The following ADAMTS13 variants were observed in gnomAD, a reference collection of about 807,000 sequenced individuals.
The protein encoded by ADAMTS13 is A disintegrin and metalloproteinase with thrombospondin motifs 13.
ADAMTS13 carries 110 observed loss-of-function variants against 155.1 expected under a neutral mutation model. The observed-to-expected ratio is 0.71, with a 90% CI of 0.61 to 0.83. ADAMTS13 has a LOEUF of 0.83. Among genes scored for constraint, ADAMTS13 ranks in the 40% least tolerant of loss-of-function variants. ADAMTS13 has a pLI of 0.00. For synonymous variants in ADAMTS13, 758 were observed against 756.4 expected (o/e 1.00, Z -0.03); for missense variants, 1,707 against 1,891.7 (o/e 0.90, Z 1.81).
chr9:133,458,089 A>G lies in ADAMTS13; in HGVS notation c.3904A>G (p.Ile1302Val), dbSNP rs1192048049. The change falls in exon 28 of 29, where the codon ATC becomes GTC. Residue 1302 changes from isoleucine (I) to valine (V), a missense_variant. Physicochemically the swap from Ile to Val is conservative, Grantham distance 29. This residue lies in a region of ADAMTS13 where 961 missense variants were observed against 1,107.9 expected (regional missense o/e 0.87). Coordinates refer to ENST00000355699, the MANE Select transcript of ADAMTS13 (RefSeq NM_139027.6). The part of the protein sequence containing the change: ...AGTEGANASY[I>V]LIRDTHSLRT... Reference sequence around the variant, plus strand: ...GACCGAGGGAGCCAATGCCAGCTACATCTTGGTGAGGCCCAGCATGGGGAC... The same window carrying G: ...GACCGAGGGAGCCAATGCCAGCTACGTCTTGGTGAGGCCCAGCATGGGGAC... 1.1e-5 allele frequency: 17 copies of G among 1,613,302 alleles called. No individual in the cohort carries two copies. The East Asian group carries it at 1.8e-4, about 17-fold the overall frequency.
Position 133,459,327 on chromosome 9 carries a change from G to A in ADAMTS13, c.*147G>A. 2.3e-6 allele frequency: 2 copies of A among 859,450 alleles called. No individual in the cohort carries two copies. The highest frequency in any genetic ancestry group is 3.8e-6 in the Non-Finnish European group (2 of 529,652). 53.2% of individuals were successfully genotyped at this position (859,450 alleles called of 1,614,324 possible). A position where few individuals can be genotyped will look rare whatever the true frequency, so the allele number is the denominator to read the frequency against. ...CAAAAGGCTAGGGGGTTGGAGGTGG[G>A]GACTCTGGAAAAGCAGCCCCCATTT... is the stretch of plus-strand genomic sequence containing the variant. On this transcript the variant is annotated 3_prime_UTR_variant, in exon 29 of 29. Coordinates refer to ENST00000355699, the MANE Select transcript of ADAMTS13 (RefSeq NM_139027.6).
intron 9 of ADAMTS13, among the ~76,000 whole-genome samples, chr9:133,432,906 T>C (rs587756004): frequency 6.6e-6 from 1 of 151,826 alleles, no homozygotes; most frequent in South Asian, 2.1e-4. Flanking sequence ...GCCTGTTGTA[T>C]GGGGGGTGCC....
chr9:133,414,633 C>T (rs376023502), exon 1 of ADAMTS13: 56 of 1,601,770 alleles, frequency 3.5e-5, no homozygotes, highest in South Asian at 1.2e-4. Flanking sequence ...CGCTGTGCCT[C>T]GGTTCTCAGT....
Position 133,425,939 on chromosome 9 carries a change from G to A in ADAMTS13, c.416G>A (p.Gly139Asp), listed in dbSNP as rs1375463568. 6.2e-7 allele frequency: 1 copy of A among 1,613,516 alleles called. No individual in the cohort carries two copies. The highest frequency in any genetic ancestry group is 8.5e-7 in the Non-Finnish European group (1 of 1,180,020). ...GCAGGCTTTGCTGTGGGTCCGCAGGGTGCTCCAAATATCACAGCCAACCTC... is the reference window on the plus strand; with the variant it reads ...GCAGGCTTTGCTGTGGGTCCGCAGGATGCTCCAAATATCACAGCCAACCTC... ...VKMVILTEPE[G>D]APNITANLTS... Residue 139 changes from glycine to aspartate, a missense_variant and splice_region_variant, in exon 5 of 29, where the codon GGT becomes GAT. By Grantham distance (94) the Gly-to-Asp change is moderately conservative. Coordinates refer to ENST00000355699, the MANE Select transcript of ADAMTS13 (RefSeq NM_139027.6). This position sits in a 1 kb window ranked among gnomAD's most constrained non-coding sequence, Gnocchi z 4.6.
At chr9:133,458,161 G>A in intron 28 of ADAMTS13, 67 bp downstream of exon 28, 1 of 1,573,724 alleles carries the variant, frequency 6.4e-7, no homozygotes, top group Non-Finnish European at 8.6e-7. Context: ...GCAGGGCTAG[G>A]GGACCCCCTT....
intron 28 of ADAMTS13, 21 bp from the exon 29 acceptor site, chr9:133,458,953 G>GGGCT: frequency 6.2e-7 from 1 of 1,607,738 alleles, no homozygotes; most frequent in Non-Finnish European, 8.5e-7. Flanking sequence ...CGGTCCTTCT[G>GGGCT]GGCTGCCCCT....
At chr9:133,423,036 CAA>C in intron 1 of ADAMTS13, 63 bp from the exon 2 acceptor site, 1 of 1,466,068 alleles carries the variant, frequency 6.8e-7, no homozygotes, top group East Asian at 2.3e-5. Flanking sequence ...TCGGTCTCCC[CAA>C]GTGTTAGGAT....
chr9:133,429,129 GC>G (rs1840515664), intron 7 of ADAMTS13, among the ~76,000 whole-genome samples: 1 of 98,292 alleles, frequency 1.0e-5, no homozygotes, highest in African/African-American at 4.1e-5. Flanking sequence ...ATCCCGCTGC[GC>G]CCACTCCTGC....
intron 18 of ADAMTS13, 55 bp from the exon 19 acceptor site, chr9:133,443,321 C>T (rs1841819438): frequency 1.0e-5 from 16 of 1,550,252 alleles, no homozygotes; most frequent in East Asian, 2.4e-5. Flanking sequence ...CACCCCATCA[C>T]CCCAGGCCAG....
At position 133,428,727 on chromosome 9, in the gene ADAMTS13, C is replaced by T. The variant is rs782774484; in HGVS notation, c.780C>T (p.Leu260=). 57 of 1,360,072 alleles carry T rather than the reference C, an allele frequency of 4.2e-5. No individual in the cohort carries two copies. The highest frequency in any genetic ancestry group is 5.3e-5 in the Non-Finnish European group (56 of 1,053,910). The allele number at this position is 1,360,072 out of a possible 1,614,324, so 84.3% of individuals were successfully genotyped here. A position where few individuals can be genotyped will look rare whatever the true frequency, so the allele number is the denominator to read the frequency against. ...ACGGCGCCGCGCCCCGCGCCGGCCT[C>T]GCCTGGTCCCCCTGCAGCCGCCGGC... ...ASDGAAPRAG[L]AWSPCSRRQL... is the part of the protein sequence containing the mutation. Residue 260 remains leucine, a synonymous_variant, in exon 7 of 29, where the codon CTC becomes CTT. Transcript: ENST00000355699.
At position 133,440,235 on chromosome 9, in the gene ADAMTS13, G is replaced by C; in HGVS notation, c.1787-109G>C. 7.2e-7 allele frequency: 1 copy of C among 1,386,980 alleles called. No individual in the cohort carries two copies. Among genetic ancestry groups the C allele is most frequent in the East Asian group, 2.3e-5 (1 of 43,450 alleles). 85.9% of individuals were successfully genotyped at this position (1,386,980 alleles called of 1,614,324 possible). On this transcript the variant is annotated intron_variant, in intron 15 of 28. Coordinates refer to ENST00000355699, the MANE Select transcript of ADAMTS13 (RefSeq NM_139027.6). The surrounding 1 kb of genome is among the most constrained non-coding windows in gnomAD (Gnocchi z 4.3). ...GAAGCCTCTAGCTCAGATGCCTGTG[G>C]CTCCTTAGAGGAGGGCTGGGGACCC...
chr9:133,416,121 T>C (rs1554781516), intron 1 of ADAMTS13, among the ~76,000 whole-genome samples: 1 of 152,214 alleles, frequency 6.6e-6, no homozygotes, highest in African/African-American at 2.4e-5. Flanking sequence ...CATCTGCTTC[T>C]GGTGAGGCCG....
At chr9:133,455,814 T>C (rs142868607) in intron 25 of ADAMTS13, 98 of 798,022 alleles carry the variant, frequency 1.2e-4, no homozygotes, top group Non-Finnish European at 1.8e-4. Flanking sequence ...GAACCCAGCT[T>C]GTGAGCCCCC....
Position 133,430,083 on chromosome 9 carries a change from C to T in ADAMTS13, c.969C>T (p.Thr323=), listed in dbSNP as rs782596096. The T allele has an allele frequency of 9.4e-6, 15 of 1,591,770 alleles. No individual in the cohort carries two copies. The East Asian group carries it at 1.1e-4, about 12-fold the overall frequency. The change falls in exon 8 of 29, where the codon ACC becomes ACT. Residue 323 remains threonine, a synonymous_variant. Transcript: ENST00000355699. Reference sequence around the variant, plus strand: ...TCGGCCCCAAGGCTGTCGCCTGCACCTTCGCCAGGGAGCACCTGGTGAGTC... The same window carrying T: ...TCGGCCCCAAGGCTGTCGCCTGCACTTTCGCCAGGGAGCACCTGGTGAGTC... The part of the protein sequence containing the change: ...VAFGPKAVAC[T]FAREHLDMCQ...
At chr9:133,446,598 C>G (rs1027892323) in intron 21 of ADAMTS13, among the ~76,000 whole-genome samples, 2 of 152,230 alleles carry the variant, frequency 1.3e-5, no homozygotes, top group Non-Finnish European at 2.9e-5. Context: ...TGGCTTCCTT[C>G]CACACTTTGG....
At chr9:133,429,171 AC>A (rs1208389217) in intron 7 of ADAMTS13, among the ~76,000 whole-genome samples, 57 of 10,384 alleles carry the variant, frequency 5.5e-3, no homozygotes, top group East Asian at 7.6e-3. Context: ...CCCTGCACCC[AC>A]CCCCCCGTCC....
At chr9:133,453,988 A>T (rs1338755366) in intron 23 of ADAMTS13, among the ~76,000 whole-genome samples, 1 of 152,010 alleles carries the variant, frequency 6.6e-6, no homozygotes, top group East Asian at 1.9e-4. Context: ...TTAGTTATTG[A>T]TTGATTACAG....
Position 133,433,472 on chromosome 9 carries a change from G to A in ADAMTS13, c.1187G>A (p.Cys396Tyr). Reference sequence around the variant, plus strand: ...TCTAGCTGGGGTCCCCGAAGTCCTTGCTCCCGCTCCTGCGGAGGAGGTGTG... The same window carrying A: ...TCTAGCTGGGGTCCCCGAAGTCCTTACTCCCGCTCCTGCGGAGGAGGTGTG... ...RWSSWGPRSPCSRSCGGGVVT... is the reference protein window; with the variant it reads ...RWSSWGPRSPYSRSCGGGVVT... The change falls in exon 10 of 29, where the codon TGC (cysteine) becomes TAC (tyrosine). Residue 396 changes from cysteine to tyrosine, a missense_variant. Cys to Tyr is a radical substitution (Grantham distance 194, BLOSUM62 -2). Coordinates refer to ENST00000355699, the MANE Select transcript of ADAMTS13 (RefSeq NM_139027.6). The A allele has an allele frequency of 6.2e-7, 1 of 1,613,622 alleles. No homozygotes were observed. The highest frequency in any genetic ancestry group is 1.7e-4 in the Middle Eastern group (1 of 6,044).
rs587671802 is a variant in ADAMTS13, at chr9:133,429,948, G to T, written c.834G>T (p.Arg278=). 1.3e-6 allele frequency: 2 copies of T among 1,535,394 alleles called. No homozygotes were observed. The highest frequency in any genetic ancestry group is 2.4e-5 in the East Asian group (1 of 40,846). The change falls in exon 8 of 29, where the codon CGG becomes CGT. Residue 278 remains arginine, a synonymous_variant. Transcript: ENST00000355699. The stretch of plus-strand genomic sequence containing the variant: ...CCGGGCCTTGTCGCAGCGCAGGACG[G>T]GCGCGCTGCGTGTGGGACCCGCCGC... ...RQLLSLLSAG[R]ARCVWDPPRP...
Sources: gnomAD v4.1 joint callset for allele counts (sites outside exome capture counted in the v4.1 genomes callset) on GRCh38, gnomAD v4.1.1 for gene constraint, gnomAD v4.1.1 regional missense constraint, Gnocchi (gnomAD v3.1) non-coding constraint, MANE v1.5 for transcripts, NCBI Gene and HGNC (gene_info 2026-07-23, HGNC 2026-07-21) for gene names.